FANCA: variants seen among roughly 807,000 people sequenced by gnomAD.
The protein encoded by FANCA is Fanconi anemia group A protein.
A neutral mutation model predicts 194.3 loss-of-function variants in FANCA; 236 were observed. The observed-to-expected ratio is 1.21, with a 90% CI of 1.09 to 1.35. FANCA has a LOEUF of 1.35. FANCA is among the 40% of genes most tolerant of loss of function. FANCA has a pLI of 0.00. For missense variants in FANCA, 2,628 were observed against 1,813.9 expected (o/e 1.45, Z -8.15); for synonymous variants, 1,014 against 715.8 (o/e 1.42, Z -6.65).
intron 20 of FANCA, among the ~76,000 whole-genome samples, chr16:89,776,707 T>C (rs2039518710): frequency 6.6e-6 from 1 of 151,822 alleles, no homozygotes; most frequent in African/African-American, 2.4e-5. Flanking sequence ...GGCGGGCGCC[T>C]GCAGTCTCAG....
At chr16:89,741,949 C>G (rs1263528925) in intron 37 of FANCA, among the ~76,000 whole-genome samples, 2 of 151,586 alleles carry the variant, frequency 1.3e-5, no homozygotes, top group African/African-American at 4.9e-5. Context: ...ACCCCCATCT[C>G]TTTTAATTTT....
rs35476732 is a variant in FANCA, at chr16:89,791,399, T to A, written c.1359+4A>T. ...ATTAGGTAGCCGATTGGCAGGTCAC[T>A]TACCTTGAACCAGTCTGCATATGAC... On this transcript the variant is annotated splice_donor_region_variant and intron_variant, in intron 14 of 42. Transcript: ENST00000389301. 3.1e-6 allele frequency: 5 copies of A among 1,613,646 alleles called. No individual in the cohort carries two copies. In the African/African-American group the frequency reaches 5.3e-5, roughly 17 times the overall value.
intron 14 of FANCA, among the ~76,000 whole-genome samples, chr16:89,785,962 T>C (rs952724410): frequency 4.2e-5 from 6 of 144,122 alleles, no homozygotes; most frequent in Non-Finnish European, 9.0e-5. Context: ...TTTGAACAAT[T>C]CTCCTGCCTC....
chr16:89,786,178 C>T (rs1053422102), intron 14 of FANCA, among the ~76,000 whole-genome samples: 1 of 104,858 alleles, frequency 9.5e-6, no homozygotes, highest in East Asian at 4.0e-3. Flanking sequence ...GCCACCAAGC[C>T]CGGTTTTTTT....
At chr16:89,780,780 A>G (rs1289515275) in intron 17 of FANCA, among the ~76,000 whole-genome samples, 3 of 151,902 alleles carry the variant, frequency 2.0e-5, no homozygotes, top group Admixed American at 2.0e-4. Context: ...AATTTTAGAA[A>G]CCAGCCAGGC....
At chr16:89,751,238 C>T (rs2038578736) in intron 31 of FANCA, among the ~76,000 whole-genome samples, 1 of 152,024 alleles carries the variant, frequency 6.6e-6, no homozygotes, top group Non-Finnish European at 1.5e-5. Context: ...CAGTGGCTCA[C>T]GCCTGTAATC....
Position 89,773,324 on chromosome 16 carries a change from G to T in FANCA, c.1961C>A (p.Thr654Lys), listed in dbSNP as rs745517164. ...GGCTCTCAGCTCTCCCAGTGCAGCT[G>T]TGAGCTGTCCCAGGGGCTCCTCAGC... ...NSAEEPLGQL[T>K]AALGELRASM... The change falls in exon 22 of 43, where the codon ACA (threonine) becomes AAA (lysine). Residue 654 changes from threonine (T) to lysine (K), a missense_variant. Physicochemically the swap from Thr to Lys is moderately conservative, Grantham distance 78 (BLOSUM62 -1). Coordinates refer to ENST00000389301, the MANE Select transcript of FANCA (RefSeq NM_000135.4). The T allele has an allele frequency of 6.4e-7, 1 of 1,551,468 alleles. No individual in the cohort carries two copies. Among genetic ancestry groups the T allele is most frequent in the Non-Finnish European group, 8.7e-7 (1 of 1,146,974 alleles).
chr16:89,804,449 G>A (rs770769676), intron 7 of FANCA, among the ~76,000 whole-genome samples: 5 of 152,150 alleles, frequency 3.3e-5, no homozygotes, highest in Admixed American at 2.6e-4. Flanking sequence ...TCCTGCCGCC[G>A]TCCAGGAGTG....
At chr16:89,784,604 A>G (rs1478807335) in intron 15 of FANCA, among the ~76,000 whole-genome samples, 3 of 152,120 alleles carry the variant, frequency 2.0e-5, no homozygotes, top group African/African-American at 7.2e-5. Context: ...CTAGGTGAGA[A>G]AAGGGTTTCT....
At chr16:89,767,660 T>C (rs927219147) in intron 26 of FANCA, among the ~76,000 whole-genome samples, 1 of 152,208 alleles carries the variant, frequency 6.6e-6, no homozygotes, top group African/African-American at 2.4e-5. Context: ...GCAATTCTCC[T>C]GCCTCAGTCT....
chr16:89,809,120 A>C (rs55700049), intron 5 of FANCA, among the ~76,000 whole-genome samples: 1 of 151,744 alleles, frequency 6.6e-6, no homozygotes, highest in Non-Finnish European at 1.5e-5. Flanking sequence ...GTTAGCCAGG[A>C]TGGGCTCGAT....
rs570088864 is a variant in FANCA, at chr16:89,752,316, G to A, written c.2982-94C>T. On this transcript the variant is annotated intron_variant, in intron 30 of 42. Coordinates refer to ENST00000389301, the MANE Select transcript of FANCA (RefSeq NM_000135.4). ...CTGCCTCCGGAGCTGAGTGATGGCTGTGCTTCTCTGACAGTGTGACCCTCA... is the reference window on the plus strand; with the variant it reads ...CTGCCTCCGGAGCTGAGTGATGGCTATGCTTCTCTGACAGTGTGACCCTCA... The A allele has an allele frequency of 7.2e-5, 72 of 995,126 alleles. No individual in the cohort carries two copies. In the South Asian group the frequency reaches 8.5e-4, roughly 12 times the overall value. The allele number at this position is 995,126 out of a possible 1,614,324, so 61.6% of individuals were successfully genotyped here.
At chr16:89,781,384 A>AC (rs1343476854) in intron 17 of FANCA, among the ~76,000 whole-genome samples, 1 of 146,590 alleles carries the variant, frequency 6.8e-6, no homozygotes, top group East Asian at 2.0e-4. Context: ...AAAAAAAAAA[A>AC]AACAATACGC....
In FANCA at chr16:89,805,297, G is replaced by A. The variant is rs1053611330; in HGVS notation, c.692C>T (p.Ala231Val). 1.2e-6 allele frequency: 2 copies of A among 1,613,744 alleles called. No individual in the cohort carries two copies. The highest frequency in any genetic ancestry group is 1.7e-6 in the Non-Finnish European group (2 of 1,179,758). The change falls in exon 7 of 43, where the codon GCC (alanine) becomes GTC (valine). Residue 231 changes from alanine to valine, a missense_variant. Coordinates refer to ENST00000389301, the MANE Select transcript of FANCA (RefSeq NM_000135.4). ...MEASCQHADV[A>V]RAMLSDFVQM... ...GAACGCACCAGAAAGCATGGCCCTGGCGACGTCAGCATGCTGGCAGGATGC... is the reference window on the plus strand; with the variant it reads ...GAACGCACCAGAAAGCATGGCCCTGACGACGTCAGCATGCTGGCAGGATGC...
intron 36 of FANCA, chr16:89,744,682 T>G (rs2062204807): frequency 2.2e-6 from 1 of 455,776 alleles, no homozygotes; most frequent in Non-Finnish European, 4.0e-6. Flanking sequence ...TTTTTGTTTT[T>G]TTTCTGGACA....
chr16:89,808,366 C>G lies in FANCA; in HGVS notation c.524G>C (p.Ser175Thr). 1 of 1,614,084 alleles carries G rather than the reference C, an allele frequency of 6.2e-7. No homozygotes were observed. Among genetic ancestry groups the G allele is most frequent in the Non-Finnish European group, 8.5e-7 (1 of 1,180,008 alleles). ...CCACACCGCTTCAAGCAACAAAGAA[C>G]TCTGAAAAACAAAACAAAACAAACA... ...SFCQELWKIQSSLLLEAVWHL... is the reference protein window; with the variant it reads ...SFCQELWKIQTSLLLEAVWHL... Residue 175 changes from serine to threonine, a missense_variant and splice_region_variant, in exon 6 of 43, where the codon AGT becomes ACT. Transcript: ENST00000389301.
At chr16:89,744,461 G>T (rs1383546911) in intron 36 of FANCA, among the ~76,000 whole-genome samples, 1 of 152,096 alleles carries the variant, frequency 6.6e-6, no homozygotes, top group African/African-American at 2.4e-5. Context: ...ATATCTGACT[G>T]GGGTCGACAG....
At chr16:89,781,981 TG>T (rs2039727342) in intron 17 of FANCA, among the ~76,000 whole-genome samples, 1 of 142,958 alleles carries the variant, frequency 7.0e-6, no homozygotes, top group Admixed American at 7.1e-5. Context: ...CACTCCAGCC[TG>T]GGCGACAGAG....
In FANCA at chr16:89,770,241, G is replaced by C. The variant is rs953426011; in HGVS notation, c.2241C>G (p.Ala747=). The C allele has an allele frequency of 6.3e-7, 1 of 1,581,660 alleles. No homozygotes were observed. Among genetic ancestry groups the C allele is most frequent in the Non-Finnish European group, 8.6e-7 (1 of 1,164,006 alleles). ...GTCCACACATGGTCCTCACGAAGAGGGCAGCCCAGGGACCCTGCCTGCAGA... is the reference window on the plus strand; with the variant it reads ...GTCCACACATGGTCCTCACGAAGAGCGCAGCCCAGGGACCCTGCCTGCAGA... ...APPERQGPWA[A]LFVRTMCGRV... The change falls in exon 25 of 43, where the codon GCC becomes GCG. Residue 747 remains alanine (A), a synonymous_variant. Transcript: ENST00000389301.
Sources: gnomAD v4.1 joint callset for allele counts (sites outside exome capture counted in the v4.1 genomes callset) on GRCh38, gnomAD v4.1.1 for gene constraint, MANE v1.5 for transcripts, NCBI Gene and HGNC (gene_info 2026-07-23, HGNC 2026-07-21) for gene names.